Variants in NCOA7 observed in about 807,000 individuals in gnomAD.
NCOA7 encodes nuclear receptor coactivator 7.
Under a neutral mutation model 104.3 loss-of-function variants are expected in NCOA7, and 45 were observed. The ratio of observed to expected loss-of-function variants is 0.43; its 90% CI spans 0.34 to 0.55. NCOA7 has a LOEUF of 0.55. NCOA7 is among the 20% of genes least tolerant of loss of function. The pLI is 0.02. For missense variants in NCOA7, 1,041 were observed against 1,119.7 expected (o/e 0.93, Z 1.00); for synonymous variants, 398 against 402.3 (o/e 0.99, Z 0.13).
At chr6:125,871,909 A>T (rs532795263) in intron 3 of NCOA7, among the ~76,000 whole-genome samples, 10 of 146,900 alleles carry the variant, frequency 6.8e-5, no homozygotes, top group African/African-American at 2.0e-4. Flanking sequence ...AGGTGGGAGG[A>T]TTGCTTGAGT....
At chr6:125,834,268 TA>T (rs1480377854) in intron 2 of NCOA7, among the ~76,000 whole-genome samples, 7 of 152,186 alleles carry the variant, frequency 4.6e-5, no homozygotes, top group Non-Finnish European at 1.0e-4. Context: ...AAAATGTAAA[TA>T]ATACTTATTA....
At chr6:125,804,805 C>T (rs1776278628) in intron 1 of NCOA7, among the ~76,000 whole-genome samples, 1 of 151,892 alleles carries the variant, frequency 6.6e-6, no homozygotes, top group African/African-American at 2.4e-5. Flanking sequence ...AAGAAAAATT[C>T]CAAATTCTGA....
At chr6:125,915,273 A>T in intron 10 of NCOA7, 60 bp from the exon 11 acceptor site, 1 of 1,601,322 alleles carries the variant, frequency 6.2e-7, no homozygotes, top group East Asian at 2.2e-5. Context: ...TGAAGTCCAC[A>T]CTAGCACCTG....
upstream of NCOA7, among the ~76,000 whole-genome samples, chr6:125,788,980 C>A (rs1482754822): frequency 6.6e-6 from 1 of 152,064 alleles, no homozygotes; most frequent in African/African-American, 2.4e-5. Context: ...ACAGGGGCCT[C>A]TTGATAGTAA....
At chr6:125,821,185 T>C (rs1778141776) in intron 2 of NCOA7, among the ~76,000 whole-genome samples, 1 of 152,120 alleles carries the variant, frequency 6.6e-6, no homozygotes, top group Admixed American at 6.5e-5. Context: ...AGAAGTATTA[T>C]CATCTTTCTG....
intron 4 of NCOA7, among the ~76,000 whole-genome samples, chr6:125,876,601 TAAA>T (rs202233696): frequency 4.6e-5 from 6 of 129,634 alleles, no homozygotes; most frequent in African/African-American, 5.8e-5. Flanking sequence ...GTAGTGACAG[TAAA>T]AAAAAAAAAA....
intron 10 of NCOA7, among the ~76,000 whole-genome samples, chr6:125,900,195 A>G (rs976540709): frequency 1.3e-5 from 2 of 152,158 alleles, no homozygotes; most frequent in African/African-American, 2.4e-5. Context: ...GTGTTGCTAC[A>G]TCTTCTCATC....
intron 3 of NCOA7, among the ~76,000 whole-genome samples, chr6:125,856,153 C>T (rs1160984136): frequency 2.0e-5 from 3 of 152,032 alleles, no homozygotes; most frequent in Non-Finnish European, 4.4e-5. Flanking sequence ...GCGTGGCATA[C>T]AGGTTATGGC....
At chr6:125,784,036 T>G (rs77401547) in intron 1 of NCOA7, among the ~76,000 whole-genome samples, 2,911 of 152,346 alleles carry the variant, frequency 0.019, 41 homozygotes, top group Middle Eastern at 0.054. Context: ...TAATTTAACA[T>G]TTAATTTTTA....
In NCOA7 at chr6:125,885,917, C is replaced by T. The variant is rs147275657; in HGVS notation, c.884+574C>T. On this transcript the variant is annotated intron_variant, in intron 8 of 15. Transcript: ENST00000392477. ...TAACTTCAGTCCTGATTACTTTTGCCTTATAATGCTGGATTTATTGTAAAA... is the reference window on the plus strand; with the variant it reads ...TAACTTCAGTCCTGATTACTTTTGCTTTATAATGCTGGATTTATTGTAAAA... Among the ~76,000 whole-genome samples the T allele has an allele frequency of 7.9e-3, 1,209 of 152,124 alleles. 11 individuals are homozygous for T. Among genetic ancestry groups the T allele is most frequent in the African/African-American group, 0.028 (1,167 of 41,506 alleles).
intron 2 of NCOA7, among the ~76,000 whole-genome samples, chr6:125,854,587 A>C (rs1194239233): frequency 1.3e-5 from 2 of 152,240 alleles, no homozygotes; most frequent in Non-Finnish European, 2.9e-5. Context: ...CCAATTACAA[A>C]GGACTTGTTT....
intron 10 of NCOA7, among the ~76,000 whole-genome samples, chr6:125,893,860 G>A (rs561999915): frequency 1.3e-5 from 2 of 152,222 alleles, no homozygotes; most frequent in Admixed American, 1.3e-4. Context: ...TGTACACTAC[G>A]ACTTGAAACA....
At position 125,931,475 on chromosome 6, in the gene NCOA7, G is replaced by A. The variant is rs191085752; in HGVS notation, c.*2704G>A. The A allele has an allele frequency of 5.6e-4, 85 of 152,208 alleles. No homozygotes were observed. The highest frequency in any genetic ancestry group is 2.0e-3 in the African/African-American group (83 of 41,520). 9.4% of individuals were successfully genotyped at this position (152,208 alleles called of 1,614,324 possible). On this transcript the variant is annotated 3_prime_UTR_variant, in exon 16 of 16. Coordinates refer to ENST00000392477, the MANE Select transcript of NCOA7 (RefSeq NM_181782.5). Reference sequence around the variant, plus strand: ...ATTTTCTTTGGCATCCTGACACCTAGCCCCTAGATGTTGGGCTAGATGAAG... The same window carrying A: ...ATTTTCTTTGGCATCCTGACACCTAACCCCTAGATGTTGGGCTAGATGAAG...
chr6:125,841,080 A>ATTTTG (rs1780123119), intron 2 of NCOA7, among the ~76,000 whole-genome samples: 2 of 149,832 alleles, frequency 1.3e-5, no homozygotes, highest in Non-Finnish European at 3.0e-5. Context: ...TTTAGTAGAG[A>ATTTTG]CAGGATTTCA....
chr6:125,882,386 A>T, intron 6 of NCOA7, 40 bp from the exon 7 acceptor site: 1 of 1,603,976 alleles, frequency 6.2e-7, no homozygotes, highest in Non-Finnish European at 8.5e-7. Flanking sequence ...TTGTTTGAAA[A>T]GTGCTTTTAT....
intron 2 of NCOA7, among the ~76,000 whole-genome samples, chr6:125,832,456 A>ATTT (rs1779270111): frequency 6.6e-6 from 1 of 152,198 alleles, no homozygotes; most frequent in Non-Finnish European, 1.5e-5. Context: ...GCAGTAAATT[A>ATTT]TTTTATTATT....
intron 11 of NCOA7, among the ~76,000 whole-genome samples, chr6:125,917,214 A>G (rs142117901): frequency 2.7e-5 from 4 of 146,708 alleles, no homozygotes; most frequent in African/African-American, 8.2e-5. Flanking sequence ...GTATTTTTCA[A>G]AGCTCCCAGA....
intron 2 of NCOA7, among the ~76,000 whole-genome samples, chr6:125,849,105 C>T (rs553678351): frequency 3.4e-4 from 52 of 152,306 alleles, no homozygotes; most frequent in Admixed American, 5.9e-4. Context: ...AAGACCCTGG[C>T]TTTGCTTACT....
At chr6:125,801,946 C>A (rs888399653) in intron 1 of NCOA7, among the ~76,000 whole-genome samples, 1 of 152,078 alleles carries the variant, frequency 6.6e-6, no homozygotes, top group African/African-American at 2.4e-5. Context: ...TAATATCAAC[C>A]ATTACGTATA....
Sources: gnomAD v4.1 joint callset for allele counts (sites outside exome capture counted in the v4.1 genomes callset) on GRCh38, gnomAD v4.1.1 for gene constraint, MANE v1.5 for transcripts, NCBI Gene and HGNC (gene_info 2026-07-23, HGNC 2026-07-21) for gene names.